CUX1: variants seen among roughly 807,000 people sequenced by gnomAD.
CUX1 encodes cut like homeobox 1, also known as protein CASP.
Under a neutral mutation model 158.8 loss-of-function variants are expected in CUX1, and 31 were observed. The ratio of observed to expected loss-of-function variants is 0.20; its 90% confidence interval spans 0.15 to 0.26. The LOEUF (loss-of-function observed/expected upper bound fraction) is 0.26, where lower values mean the gene tolerates loss of function less well. CUX1 is among the 10% of genes least tolerant of loss of function. The pLI, the probability that CUX1 is intolerant of heterozygous loss-of-function variation, is 1.00. For synonymous variants in CUX1, 879 were observed against 862.1 expected, an observed-to-expected ratio of 1.02 and a Z score of -0.34; for missense variants, 1,589 against 2,014.6, an observed-to-expected ratio of 0.79 and a Z score of 4.04.
intron 2 of CUX1, among the ~76,000 whole-genome samples, chr7:101,948,889 T>C (rs1808707256): frequency 6.6e-6 from 1 of 152,254 alleles, no homozygotes; most frequent in Non-Finnish European, 1.5e-5. Context: ...GCCAGGCCAC[T>C]GTGCCCCTGC....
chr7:101,826,242 C>T (rs746651398), intron 1 of CUX1, among the ~76,000 whole-genome samples: 1 of 151,766 alleles, frequency 6.6e-6, no homozygotes, highest in Non-Finnish European at 1.5e-5. Context: ...GCTCTGTTGC[C>T]GGCTGGAGTG....
At chr7:102,034,430 G>A (rs1821174927) in intron 3 of CUX1, among the ~76,000 whole-genome samples, 1 of 152,024 alleles carries the variant, frequency 6.6e-6, no homozygotes, top group African/African-American at 2.4e-5. Context: ...GACCAGCCTG[G>A]ACAATGTGGT....
chr7:101,859,989 T>A (rs2131348990), intron 1 of CUX1, among the ~76,000 whole-genome samples: 1 of 134,812 alleles, frequency 7.4e-6, no homozygotes, highest in South Asian at 2.8e-4. Context: ...CCTCCCTCCC[T>A]CCCTACCTTC....
At chr7:102,120,051 C>T (rs539798303) in intron 8 of CUX1, among the ~76,000 whole-genome samples, 1 of 152,182 alleles carries the variant, frequency 6.6e-6, no homozygotes. Context: ...CCTGGAATCA[C>T]GCAGCAGTAG....
downstream of CUX1, among the ~76,000 whole-genome samples, chr7:102,260,570 C>CTTTTTTT (rs55642237): frequency 0.035 from 1,786 of 51,084 alleles, 8 homozygotes; most frequent in Non-Finnish European, 0.039. Flanking sequence ...CCACACCTGG[C>CTTTTTTT]TTTTTTTTTT....
chr7:102,003,293 C>T (rs1328253382), intron 2 of CUX1, among the ~76,000 whole-genome samples: 2 of 134,766 alleles, frequency 1.5e-5, no homozygotes, highest in African/African-American at 6.1e-5. Context: ...CACCTGGTGC[C>T]GAACACACAC....
intron 20 of CUX1, among the ~76,000 whole-genome samples, chr7:102,222,811 C>CTTATTTTTTTTTT: frequency 3.9e-5 from 1 of 25,510 alleles, no homozygotes; most frequent in Non-Finnish European, 6.3e-5. Flanking sequence ...GGCACCGTAT[C>CTTATTTTTTTTTT]TTTTTTTTTT....
At chr7:101,903,981 C>T (rs571792464) in intron 1 of CUX1, among the ~76,000 whole-genome samples, 1 of 152,020 alleles carries the variant, frequency 6.6e-6, no homozygotes, top group Non-Finnish European at 1.5e-5. Context: ...GAATAGGTAA[C>T]GTGTTCACTT....
At chr7:102,078,316 TCCTCCCGCCTCGG>T (rs1827000478) in intron 4 of CUX1, among the ~76,000 whole-genome samples, 1 of 152,110 alleles carries the variant, frequency 6.6e-6, no homozygotes, top group Admixed American at 6.6e-5. Flanking sequence ...GCTCAAGCAA[TCCTCCCGCCTCGG>T]CCTCCCAAAG....
rs182886223 is a variant in CUX1, at chr7:101,916,379, A to G, written c.141+154A>G. The G allele has an allele frequency of 3.7e-5, 21 of 564,582 alleles. No individual in the cohort carries two copies. Among genetic ancestry groups the G allele is most frequent in the Admixed American group, 2.6e-4 (10 of 37,984 alleles). The allele number at this position is 564,582 out of a possible 1,614,324, so 35.0% of individuals were successfully genotyped here. On this transcript the variant is annotated intron_variant, in intron 2 of 23. Transcript: ENST00000292535. This position sits in a 1 kb window ranked among gnomAD's most constrained non-coding sequence, Gnocchi z 4.4. ...CCCAGATGTCTTCAGCCCCATTTCC[A>G]GCAGAACGCATGCCATCCTGCAGGC...
chr7:101,903,404 GAGCCGA>G (rs1432848152), intron 1 of CUX1, among the ~76,000 whole-genome samples: 7 of 152,230 alleles, frequency 4.6e-5, no homozygotes, highest in African/African-American at 1.7e-4. Flanking sequence ...GCTCCTTGCA[GAGCCGA>G]AGATTGTAGT....
chr7:102,224,200 TTTTATTTA>T (rs147120708), intron 20 of CUX1, among the ~76,000 whole-genome samples: 1 of 151,566 alleles, frequency 6.6e-6, no homozygotes, highest in Non-Finnish European at 1.5e-5. Context: ...GTCTTCTACA[TTTTATTTA>T]TTTATTTATT....
At chr7:101,885,393 A>G (rs1177670966) in intron 1 of CUX1, among the ~76,000 whole-genome samples, 3 of 151,908 alleles carry the variant, frequency 2.0e-5, no homozygotes, top group Non-Finnish European at 4.4e-5. Context: ...GTCCCCTTGC[A>G]GGGTCAGAAG....
At chr7:102,031,010 A>C (rs973892591) in intron 3 of CUX1, among the ~76,000 whole-genome samples, 1 of 151,858 alleles carries the variant, frequency 6.6e-6, no homozygotes, top group Non-Finnish European at 1.5e-5. Flanking sequence ...CCCCTGCATT[A>C]TCTCTTTTAA....
chr7:101,876,971 G>A (rs544949919), intron 1 of CUX1, among the ~76,000 whole-genome samples: 49 of 152,146 alleles, frequency 3.2e-4, no homozygotes, highest in African/African-American at 1.1e-3. Context: ...TCTGCACCAC[G>A]TTGGGATGGG....
chr7:101,902,077 G>A (rs139021627), intron 1 of CUX1, among the ~76,000 whole-genome samples: 149 of 152,292 alleles, frequency 9.8e-4, no homozygotes, highest in Non-Finnish European at 1.4e-3. Context: ...GCCCCGTCTC[G>A]TTTTTCACTG....
Position 102,254,771 on chromosome 7 carries a change from G to A in CUX1, c.*5729G>A, listed in dbSNP as rs1789707088. 2 of 985,492 alleles carry A rather than the reference G, an allele frequency of 2.0e-6. No homozygotes were observed. 61.0% of individuals were successfully genotyped at this position (985,492 alleles called of 1,614,324 possible). A position where few individuals can be genotyped will look rare whatever the true frequency, so the allele number is the denominator to read the frequency against. On this transcript the variant is annotated 3_prime_UTR_variant, in exon 24 of 24. Coordinates refer to ENST00000292535, the MANE Select transcript of CUX1 (RefSeq NM_181552.4). ...CTGAGTGGCGAGGTGGTGACCTGAG[G>A]CCAGTGTGATGTGGTTGGATCTCAG... is the stretch of plus-strand genomic sequence containing the variant.
At chr7:101,928,458 C>T (rs1016957049) in intron 2 of CUX1, among the ~76,000 whole-genome samples, 1 of 150,002 alleles carries the variant, frequency 6.7e-6, no homozygotes, top group Non-Finnish European at 1.5e-5. Flanking sequence ...GCAACCTCTG[C>T]CTCCCAGGTT....
intron 2 of CUX1, among the ~76,000 whole-genome samples, chr7:102,003,126 T>C (rs1471901957): frequency 3.3e-5 from 5 of 152,128 alleles, no homozygotes; most frequent in Non-Finnish European, 7.4e-5. Flanking sequence ...CTCAAACTCC[T>C]GACCTCAGGT....
Sources: gnomAD v4.1 joint callset for allele counts (sites outside exome capture counted in the v4.1 genomes callset) on GRCh38, gnomAD v4.1.1 for gene constraint, Gnocchi (gnomAD v3.1) non-coding constraint, MANE v1.5 for transcripts, NCBI Gene and HGNC (gene_info 2026-07-23, HGNC 2026-07-21) for gene names.